Variants in IFI35 observed in about 807,000 individuals in gnomAD.
IFI35 encodes the protein interferon induced protein 35, also known as interferon-induced 35 kDa protein.
In IFI35, 30 loss-of-function variants were observed where a neutral mutation model predicts 28.6. The ratio of observed to expected loss-of-function variants is 1.05; its 90% confidence interval spans 0.79 to 1.43. IFI35 has a LOEUF of 1.43. Ranked by LOEUF, IFI35 falls within the 40% of genes most tolerant of loss-of-function variation. The pLI is 0.00. For missense variants in IFI35, 372 were observed against 356.9 expected (o/e 1.04, Z -0.34); for synonymous variants, 146 against 154.8 (o/e 0.94, Z 0.42).
rs1427762301 is a variant in IFI35 at position 43,013,828 on chromosome 17, G to T, written c.615G>T (p.Gln205His). 3.1e-6 allele frequency: 5 copies of T among 1,611,836 alleles called. No homozygotes were observed. In the South Asian group the frequency reaches 3.3e-5, roughly 11 times the overall value. The change falls in exon 6 of 7, where the codon CAG becomes CAT. Residue 205 changes from glutamine (Q) to histidine (H), a missense_variant. Gln to His is a conservative substitution (Grantham distance 24). Coordinates refer to ENST00000415816, the MANE Select transcript of IFI35 (RefSeq NM_001330230.2). Reference sequence around the variant, plus strand: ...AGTTCACAGTGCCACTGGGTGGGCAGCAAGTCCCTCTGAGAGTCTCTCCGT... The same window carrying T: ...AGTTCACAGTGCCACTGGGTGGGCATCAAGTCCCTCTGAGAGTCTCTCCGT... ...IGQFTVPLGG[Q>H]QVPLRVSPYV...
At chr17:43,013,748 A>C in intron 5 of IFI35, 28 bp from the exon 6 acceptor site, 1 of 1,611,122 alleles carries the variant, frequency 6.2e-7, no homozygotes, top group Non-Finnish European at 8.5e-7. Context: ...CTTGATGCTA[A>C]AGGCCCACCC....
intron 5 of IFI35, 57 bp downstream of exon 5, chr17:43,013,719 G>A (rs564121284): frequency 2.5e-6 from 4 of 1,608,908 alleles, no homozygotes; most frequent in East Asian, 4.5e-5. Flanking sequence ...CAAGATTACG[G>A]TGCAGGGAGA....
intron 2 of IFI35, chr17:43,012,725 C>G: frequency 3.1e-6 from 1 of 321,398 alleles, no homozygotes; most frequent in Non-Finnish European, 5.8e-6. Context: ...CAGAGCAAGA[C>G]TCCCTTTAAA....
chr17:43,014,099 CT>C lies in IFI35; in HGVS notation c.670-5del. 1 of 1,613,244 alleles carries C rather than the reference CT, an allele frequency of 6.2e-7. No individual in the cohort carries two copies. Among genetic ancestry groups the C allele is most frequent in the Non-Finnish European group, 8.5e-7 (1 of 1,179,516 alleles). ...ATGAGCCTTTGCCATCTCCTGGCTC[CT>C]TTTCCAGATCAGGTCGCAGCCAGTT... On this transcript the variant is annotated splice_polypyrimidine_tract_variant and splice_region_variant and intron_variant, in intron 6 of 6. Transcript: ENST00000415816.
chr17:43,007,845 A>ATT lies in IFI35; in HGVS notation c.21+879_21+880dup, dbSNP rs1491563777. 3.2e-3 allele frequency among the ~76,000 whole-genome samples: 214 copies of ATT among 67,174 alleles called. 2 individuals are homozygous for ATT. The highest frequency in any genetic ancestry group is 7.7e-3 in the South Asian group (17 of 2,202). The allele number at this position is 67,174 out of a possible 152,430, so 44.1% of individuals were successfully genotyped here. ...TCTCTCACACACACACACACACAAA[A>ATT]TTTATATATATATATATATATATAT... On this transcript the variant is annotated intron_variant, in intron 1 of 6. Coordinates refer to ENST00000415816, the MANE Select transcript of IFI35 (RefSeq NM_001330230.2).
intron 1 of IFI35, among the ~76,000 whole-genome samples, chr17:43,011,804 A>G (rs1384860490): frequency 2.0e-5 from 3 of 152,158 alleles, no homozygotes; most frequent in Non-Finnish European, 4.4e-5. Context: ...ACAGTCAGTC[A>G]TGTGATCATG....
Position 43,013,883 on chromosome 17 carries a change from G to A in IFI35, c.669+1G>A. The A allele has an allele frequency of 1.3e-6, 2 of 1,577,044 alleles. No individual in the cohort carries two copies. The highest frequency in any genetic ancestry group is 8.6e-7 in the Non-Finnish European group (1 of 1,157,298). On this transcript the variant is annotated splice_donor_variant, in intron 6 of 6. Transcript: ENST00000415816. LOFTEE classifies it high-confidence loss of function. ...GAACGGGGAGATCCAGAAGGCTGAGGTAAGCAGGAGGGGTGAAGAACAGGG... is the reference window on the plus strand; with the variant it reads ...GAACGGGGAGATCCAGAAGGCTGAGATAAGCAGGAGGGGTGAAGAACAGGG...
intron 2 of IFI35, chr17:43,012,617 A>G (rs1319374160): frequency 4.2e-6 from 1 of 236,956 alleles, no homozygotes; most frequent in Non-Finnish European, 8.3e-6. Context: ...ACATGCCTGT[A>G]ATCCCAGCTA....
At chr17:43,010,568 AG>A (rs1374838215) in intron 1 of IFI35, among the ~76,000 whole-genome samples, 2 of 152,194 alleles carry the variant, frequency 1.3e-5, no homozygotes, top group Non-Finnish European at 2.9e-5. Context: ...TGGCCCTTAA[AG>A]GCACTGTGTT....
intron 1 of IFI35, among the ~76,000 whole-genome samples, chr17:43,011,322 C>G (rs1405154035): frequency 6.6e-6 from 1 of 152,078 alleles, no homozygotes; most frequent in Admixed American, 6.5e-5. Context: ...AGTTTGAGAC[C>G]AACCTGGCCA....
intron 1 of IFI35, 124 bp from the exon 2 acceptor site, chr17:43,012,055 G>A: frequency 9.1e-6 from 6 of 655,954 alleles, no homozygotes; most frequent in Non-Finnish European, 1.5e-5. Flanking sequence ...AAGGGGTTGG[G>A]TTGTTCTTGA....
chr17:43,012,623 A>T (rs893297425), intron 2 of IFI35: 1 of 234,008 alleles, frequency 4.3e-6, no homozygotes, highest in African/African-American at 2.3e-5. Context: ...CTGTAATCCC[A>T]GCTACTTGGG....
chr17:43,008,001 C>A (rs925883222), intron 1 of IFI35, among the ~76,000 whole-genome samples: 2 of 150,192 alleles, frequency 1.3e-5, no homozygotes, highest in Non-Finnish European at 3.0e-5. Context: ...TATTGCCAAC[C>A]TTTTCAGAAC....
chr17:43,014,391 C>G lies in IFI35; in HGVS notation c.*92C>G. The G allele has an allele frequency of 1.2e-6, 1 of 849,616 alleles. No homozygotes were observed. Among genetic ancestry groups the G allele is most frequent in the Non-Finnish European group, 1.8e-6 (1 of 558,476 alleles). The allele number at this position is 849,616 out of a possible 1,614,324, so 52.6% of individuals were successfully genotyped here. ...CCATATAGGAGGTCTGTATGTTCACCAACAGTGCGGAGGGGTCACACATTG... is the reference window on the plus strand; with the variant it reads ...CCATATAGGAGGTCTGTATGTTCACGAACAGTGCGGAGGGGTCACACATTG... On this transcript the variant is annotated 3_prime_UTR_variant, in exon 7 of 7. Transcript: ENST00000415816.
chr17:43,013,924 C>T (rs745687267), intron 6 of IFI35, 42 bp downstream of exon 6: 24 of 1,443,316 alleles, frequency 1.7e-5, no homozygotes, highest in Non-Finnish European at 2.3e-5. Flanking sequence ...GCTGGGTAAC[C>T]TGTCTGCCTG....
intron 4 of IFI35, 44 bp downstream of exon 4, chr17:43,013,417 C>A (rs746942241): frequency 1.9e-6 from 3 of 1,610,800 alleles, no homozygotes; most frequent in African/African-American, 1.3e-5. Flanking sequence ...GCATGCCATG[C>A]ACCTGGGCAT....
At chr17:43,014,053 C>A in intron 6 of IFI35, 55 bp from the exon 7 acceptor site, 1 of 1,560,652 alleles carries the variant, frequency 6.4e-7, no homozygotes, top group South Asian at 1.1e-5. Context: ...TGCCCTACCC[C>A]CAGCCCCCAG....
rs2050503121 is a variant in IFI35 at position 43,014,383 on chromosome 17, A to G, written c.*84A>G. ...TTGGGTGCCCATATAGGAGGTCTGT[A>G]TGTTCACCAACAGTGCGGAGGGGTC... is the stretch of plus-strand genomic sequence containing the variant. On this transcript the variant is annotated 3_prime_UTR_variant, in exon 7 of 7. Transcript: ENST00000415816. 3 of 938,290 alleles carry G rather than the reference A, an allele frequency of 3.2e-6. No individual in the cohort carries two copies. Among genetic ancestry groups the G allele is most frequent in the African/African-American group, 3.3e-5 (2 of 59,902 alleles). 58.1% of individuals were successfully genotyped at this position (938,290 alleles called of 1,614,324 possible). A position where few individuals can be genotyped will look rare whatever the true frequency, so the allele number is the denominator to read the frequency against.
intron 1 of IFI35, among the ~76,000 whole-genome samples, chr17:43,011,881 C>T (rs984911462): frequency 2.6e-5 from 4 of 152,146 alleles, no homozygotes; most frequent in Admixed American, 1.3e-4. Flanking sequence ...GTGTCAGTGC[C>T]GAGCACTTTC....
Sources: allele counts gnomAD v4.1 joint callset (sites outside exome capture counted in the v4.1 genomes callset), GRCh38; gene constraint gnomAD v4.1.1; transcripts MANE v1.5; gene names NCBI Gene and HGNC (gene_info 2026-07-23, HGNC 2026-07-21).